Variants in EIF2B3 observed in about 807,000 individuals in gnomAD.
EIF2B3 encodes the protein translation initiation factor eIF2B subunit gamma.
Under a neutral mutation model 54.1 loss-of-function variants are expected in EIF2B3, and 20 were observed. The ratio of observed to expected loss-of-function variants is 0.37; its 90% CI spans 0.26 to 0.54. The LOEUF is 0.54. Ranked by LOEUF, EIF2B3 falls within the 20% of genes least tolerant of loss-of-function variation. The pLI, the probability that EIF2B3 is intolerant of heterozygous loss-of-function variation, is 0.86. For missense variants in EIF2B3, 448 were observed against 547.8 expected (o/e 0.82, Z 1.82); for synonymous variants, 153 against 188.1 (o/e 0.81, Z 1.52).
intron 6 of EIF2B3, among the ~76,000 whole-genome samples, chr1:44,886,010 G>T (rs1323622626): frequency 1.3e-5 from 2 of 151,014 alleles, no homozygotes; most frequent in African/African-American, 2.4e-5. Context: ...CTCCCAAAGT[G>T]CTGGGATTAC....
At chr1:44,857,912 C>T in intron 10 of EIF2B3, 105 bp from the exon 11 acceptor site, 1 of 1,070,436 alleles carries the variant, frequency 9.3e-7, no homozygotes, top group African/African-American at 1.5e-5. Flanking sequence ...AACAGCTGGG[C>T]AGTCCAGTTA....
rs1171020644 is a variant in EIF2B3, at chr1:44,951,954, ATTTTTTTTTTT to A, written c.295-10300_295-10290del. ...AGGGGCGCACCACCATGCCTGGCTA[ATTTTTTTTTTT>A]TTTTTTTTTTTTTTTGAGACGGAGT... On this transcript the variant is annotated intron_variant, in intron 3 of 11. Transcript: ENST00000360403. 3.1e-4 allele frequency among the ~76,000 whole-genome samples: 14 copies of A among 44,652 alleles called. 1 individual carries two copies. The highest frequency in any genetic ancestry group is 1.9e-3 in the Admixed American group (6 of 3,172). The allele number at this position is 44,652 out of a possible 152,430, so 29.3% of individuals were successfully genotyped here.
At chr1:44,947,719 G>A (rs1644118375) in intron 3 of EIF2B3, among the ~76,000 whole-genome samples, 1 of 152,038 alleles carries the variant, frequency 6.6e-6, no homozygotes, top group South Asian at 2.1e-4. Flanking sequence ...ACAAATAATG[G>A]CTATGATCCA....
intron 3 of EIF2B3, among the ~76,000 whole-genome samples, chr1:44,972,746 C>A (rs957990131): frequency 1.3e-5 from 2 of 152,064 alleles, no homozygotes; most frequent in Admixed American, 6.6e-5. Context: ...CAGCTCACTG[C>A]AACCTTCACC....
intron 5 of EIF2B3, among the ~76,000 whole-genome samples, chr1:44,922,510 C>T (rs1004297446): frequency 2.7e-5 from 4 of 147,290 alleles, no homozygotes; most frequent in Non-Finnish European, 5.9e-5. Flanking sequence ...TCATTTGAGC[C>T]CGGGAGGTGG....
At position 44,925,994 on chromosome 1, in the gene EIF2B3, G is replaced by A. The variant is rs182859086; in HGVS notation, c.566+634C>T. 1.8e-3 allele frequency among the ~76,000 whole-genome samples: 274 copies of A among 151,972 alleles called. 1 individual carries two copies. Among genetic ancestry groups the A allele is most frequent in the African/African-American group, 6.2e-3 (258 of 41,438 alleles). On this transcript the variant is annotated intron_variant, in intron 5 of 11. Transcript: ENST00000360403. The stretch of plus-strand genomic sequence containing the variant: ...TGTAATCCTAGCACTTTGGGGGGCC[G>A]AGGTGGGCGGATCACTTGAGGTCAG...
chr1:44,879,794 T>A, intron 8 of EIF2B3, 24 bp downstream of exon 8: 1 of 1,612,398 alleles, frequency 6.2e-7, no homozygotes, highest in Non-Finnish European at 8.5e-7. Flanking sequence ...AAGAGCCCCA[T>A]GATTTTCTAA....
intron 3 of EIF2B3, among the ~76,000 whole-genome samples, chr1:44,970,750 A>C (rs1644391569): frequency 6.6e-6 from 1 of 152,166 alleles, no homozygotes; most frequent in African/African-American, 2.4e-5. Flanking sequence ...GTTAATTCTG[A>C]ATTTTGGCTT....
Position 44,850,591 on chromosome 1 carries a change from T to C in EIF2B3, c.*360A>G. On this transcript the variant is annotated 3_prime_UTR_variant, in exon 12 of 12. Transcript: ENST00000360403. The stretch of plus-strand genomic sequence containing the variant: ...AAGGGACTGAAGTACTCCCAGGTCC[T>C]TTTAGGTGAGGGATACTTTCAGGAC... The C allele has an allele frequency of 3.0e-6, 1 of 336,172 alleles. No individual in the cohort carries two copies. Among genetic ancestry groups the C allele is most frequent in the South Asian group, 3.2e-5 (1 of 30,836 alleles). 20.8% of individuals were successfully genotyped at this position (336,172 alleles called of 1,614,324 possible).
chr1:44,936,445 G>T (rs1048407607), intron 4 of EIF2B3, among the ~76,000 whole-genome samples: 1 of 149,200 alleles, frequency 6.7e-6, no homozygotes, highest in African/African-American at 2.5e-5. Flanking sequence ...AAAAAAATTA[G>T]CTGAGCGTGG....
chr1:44,897,583 G>A, intron 5 of EIF2B3, 139 bp from the exon 6 acceptor site: 1 of 707,126 alleles, frequency 1.4e-6, no homozygotes, highest in Non-Finnish European at 2.4e-6. Flanking sequence ...TTTCTGGGGA[G>A]ACCAGGACAG....
intron 4 of EIF2B3, among the ~76,000 whole-genome samples, chr1:44,935,011 G>A (rs1643932756): frequency 1.3e-5 from 2 of 152,234 alleles, no homozygotes; most frequent in Admixed American, 6.5e-5. Context: ...TGACAGCCAA[G>A]TAAGAGTTTT....
At position 44,959,584 on chromosome 1, in the gene EIF2B3, T is replaced by C. The variant is rs141976262; in HGVS notation, c.295-17919A>G. Among the ~76,000 whole-genome samples the C allele has an allele frequency of 3.8e-3, 577 of 152,294 alleles. 3 individuals carry two copies. Among genetic ancestry groups the C allele is most frequent in the African/African-American group, 0.013 (558 of 41,566 alleles). ...AATTTAGCTAACTTTACAGAATGTTTCCAGGTTCACCTTCAGTAATTTCAT... is the reference window on the plus strand; with the variant it reads ...AATTTAGCTAACTTTACAGAATGTTCCCAGGTTCACCTTCAGTAATTTCAT... On this transcript the variant is annotated intron_variant, in intron 3 of 11. Transcript: ENST00000360403.
At chr1:44,909,285 C>T (rs1245163446) in intron 5 of EIF2B3, among the ~76,000 whole-genome samples, 1 of 151,438 alleles carries the variant, frequency 6.6e-6, no homozygotes, top group Non-Finnish European at 1.5e-5. Flanking sequence ...TTAACCCATC[C>T]TCTTTCTGAA....
At position 44,939,796 on chromosome 1, in the gene EIF2B3, CAA is replaced by C. The variant is rs200764798; in HGVS notation, c.454+1708_454+1709del. Among the ~76,000 whole-genome samples the C allele has an allele frequency of 7.2e-3, 1,094 of 151,694 alleles. 12 individuals carry two copies. Among genetic ancestry groups the C allele is most frequent in the African/African-American group, 0.025 (1,054 of 41,378 alleles). ...AAAATTTAAAGAAAAGTTCTAATGA[CAA>C]GAAGAATAAGTTGATTTTTTAATTG... On this transcript the variant is annotated intron_variant, in intron 4 of 11. Coordinates refer to ENST00000360403, the MANE Select transcript of EIF2B3 (RefSeq NM_020365.5).
intron 3 of EIF2B3, among the ~76,000 whole-genome samples, chr1:44,946,082 TTC>T (rs1644098892): frequency 1.3e-5 from 2 of 152,218 alleles, no homozygotes; most frequent in South Asian, 4.1e-4. Context: ...GTAGGCTCAT[TTC>T]TCTCTTTGCG....
intron 1 of EIF2B3, among the ~76,000 whole-genome samples, chr1:44,984,329 T>C (rs1053721053): frequency 1.5e-4 from 23 of 151,710 alleles, no homozygotes; most frequent in African/African-American, 4.8e-4. Flanking sequence ...CCCATCTCTA[T>C]AAAAAATTAG....
At chr1:44,950,890 T>C (rs981391251) in intron 3 of EIF2B3, among the ~76,000 whole-genome samples, 2 of 152,058 alleles carry the variant, frequency 1.3e-5, no homozygotes, top group African/African-American at 4.8e-5. Context: ...GATTATGCCA[T>C]GTTGGCCAGG....
intron 3 of EIF2B3, among the ~76,000 whole-genome samples, chr1:44,967,119 T>C (rs1217157576): frequency 6.6e-6 from 1 of 151,198 alleles, no homozygotes; most frequent in Non-Finnish European, 1.5e-5. Context: ...CGGCCTTCCA[T>C]AGCCTCATAT....
Sources: allele counts gnomAD v4.1 joint callset (sites outside exome capture counted in the v4.1 genomes callset), GRCh38; gene constraint gnomAD v4.1.1; transcripts MANE v1.5; gene names NCBI Gene and HGNC (gene_info 2026-07-23, HGNC 2026-07-21).